Variants in EBF3 observed in about 807,000 individuals in gnomAD.
EBF3 encodes EBF transcription factor 3, also known as transcription factor COE3.
In EBF3, 18 loss-of-function variants were observed where a neutral mutation model predicts 77.1. That is an observed-to-expected ratio of 0.23 (90% CI 0.16 to 0.35). EBF3 has a LOEUF of 0.35. Among genes scored for constraint, EBF3 ranks in the 10% least tolerant of loss-of-function variants. The pLI is 1.00. For missense variants in EBF3, 558 were observed against 860.0 expected, an observed-to-expected ratio of 0.65 and a Z score of 4.39; for synonymous variants, 350 against 343.5, an observed-to-expected ratio of 1.02 and a Z score of -0.21.
At chr10:129,924,493 G>A (rs1413937771) in intron 6 of EBF3, among the ~76,000 whole-genome samples, 1 of 151,702 alleles carries the variant, frequency 6.6e-6, no homozygotes, top group Non-Finnish European at 1.5e-5. Context: ...TGGAGAAACT[G>A]GAACCCTTGA....
At chr10:129,926,725 AG>A (rs1856701326) in intron 6 of EBF3, among the ~76,000 whole-genome samples, 1 of 152,136 alleles carries the variant, frequency 6.6e-6, no homozygotes, top group Non-Finnish European at 1.5e-5. Flanking sequence ...GAATGGAAAG[AG>A]GGTGCTCCAG....
At chr10:129,869,870 A>G (rs1852291944) in intron 8 of EBF3, among the ~76,000 whole-genome samples, 2 of 152,224 alleles carry the variant, frequency 1.3e-5, no homozygotes, top group South Asian at 2.1e-4. Flanking sequence ...AGGCTTCCGA[A>G]TGACATTTGC....
In EBF3 at chr10:129,841,042, T is replaced by TCCA. The variant is rs71481016; in HGVS notation, c.1373-11_1373-10insTGG. The TCCA allele has an allele frequency of 1.5e-5, 23 of 1,510,112 alleles. No individual in the cohort carries two copies. The highest frequency in any genetic ancestry group is 4.8e-5 in the East Asian group (2 of 41,880). The allele number at this position is 1,510,112 out of a possible 1,614,324, so 93.5% of individuals were successfully genotyped here. ...TTGCGACTGTAGCCGACTGTTGAAA[T>TCCA]CCCCCCCCCGGCCAAAAATAACATT... is the stretch of plus-strand genomic sequence containing the variant. On this transcript the variant is annotated splice_polypyrimidine_tract_variant and intron_variant, in intron 13 of 16. Transcript: ENST00000440978. The surrounding 1 kb of genome is among the most constrained non-coding windows in gnomAD (Gnocchi z 4.6).
chr10:129,851,040 T>G (rs1850843705), intron 10 of EBF3, among the ~76,000 whole-genome samples: 1 of 152,226 alleles, frequency 6.6e-6, no homozygotes, highest in African/African-American at 2.4e-5. Flanking sequence ...TCAATACCAC[T>G]TTCCTGTTTT....
chr10:129,871,367 G>A (rs1198316434), intron 8 of EBF3, among the ~76,000 whole-genome samples: 2 of 152,188 alleles, frequency 1.3e-5, no homozygotes, highest in African/African-American at 2.4e-5. Context: ...CTCAAAGGAC[G>A]CCGTGGCAGA....
At chr10:129,925,677 T>C (rs1484487462) in intron 6 of EBF3, among the ~76,000 whole-genome samples, 2 of 151,716 alleles carry the variant, frequency 1.3e-5, no homozygotes, top group Non-Finnish European at 2.9e-5. Context: ...CACTGAACTA[T>C]ATACTTGAAA....
At chr10:129,942,640 A>G (rs1857852270) in intron 6 of EBF3, among the ~76,000 whole-genome samples, 1 of 152,230 alleles carries the variant, frequency 6.6e-6, no homozygotes, top group African/African-American at 2.4e-5. Context: ...GGTGCATTCC[A>G]GAGATGGCCT....
intron 10 of EBF3, among the ~76,000 whole-genome samples, chr10:129,856,392 C>G (rs1851254519): frequency 6.6e-6 from 1 of 152,094 alleles, no homozygotes; most frequent in Admixed American, 6.6e-5. Context: ...GAATAATACT[C>G]AGCCATGTAC....
At chr10:129,914,884 A>T (rs549147260) in intron 6 of EBF3, among the ~76,000 whole-genome samples, 1 of 152,330 alleles carries the variant, frequency 6.6e-6, no homozygotes, top group African/African-American at 2.4e-5. Context: ...CCCCTAGGGC[A>T]TCACATCAAG....
At chr10:129,855,207 C>G (rs1479369415) in intron 10 of EBF3, among the ~76,000 whole-genome samples, 5 of 152,106 alleles carry the variant, frequency 3.3e-5, no homozygotes, top group African/African-American at 7.2e-5. Flanking sequence ...TCCTTCGTAT[C>G]GGGAATATTG....
At position 129,920,750 on chromosome 10, in the gene EBF3, C is replaced by T. The variant is rs79215449; in HGVS notation, c.554+36508G>A. ...CGCACTCTGTGTGTGGCAGCAGGTG[C>T]GCTGCCAGATGAGAAGGGCCCAGTA... On this transcript the variant is annotated intron_variant, in intron 6 of 16. Coordinates refer to ENST00000440978, the MANE Select transcript of EBF3 (RefSeq NM_001375380.1). Among the ~76,000 whole-genome samples the T allele has an allele frequency of 0.011, 1,715 of 152,326 alleles. 98 individuals carry two copies. In the East Asian group the frequency reaches 0.18, roughly 16 times the overall value.
rs72837144 is a variant in EBF3, at chr10:129,840,099, C to T, written c.1759+146G>A. 4 of 1,038,856 alleles carry T rather than the reference C, an allele frequency of 3.9e-6. No homozygotes were observed. In the Admixed American group the frequency reaches 8.3e-5, roughly 21 times the overall value. The allele number at this position is 1,038,856 out of a possible 1,614,324, so 64.4% of individuals were successfully genotyped here. On this transcript the variant is annotated intron_variant, in intron 15 of 16. Coordinates refer to ENST00000440978, the MANE Select transcript of EBF3 (RefSeq NM_001375380.1). The stretch of plus-strand genomic sequence containing the variant: ...AGGGGTCCTCGCTGTGAACACCAGG[C>T]AGAGGTGGCACGCATCAAGGTGGGC...
In EBF3 at chr10:129,866,385, G is replaced by A. The variant is rs1852014807; in HGVS notation, c.1039+756C>T. On this transcript the variant is annotated intron_variant, in intron 10 of 16. Transcript: ENST00000440978. ...ATTCTCCTGCCTTTCAAAGTGTTGG[G>A]ATCACAGGTGTGAGCCAACATGCCC... 4.6e-5 allele frequency among the ~76,000 whole-genome samples: 7 copies of A among 152,294 alleles called. No homozygotes were observed. The South Asian group carries it at 1.5e-3, about 32-fold the overall frequency.
intron 10 of EBF3, among the ~76,000 whole-genome samples, chr10:129,859,067 T>C (rs1414383728): frequency 6.6e-6 from 1 of 152,238 alleles, no homozygotes; most frequent in East Asian, 1.9e-4. Context: ...TGAAGTCAAG[T>C]TGCTCCATGT....
rs1323238210 is a variant in EBF3 at position 129,923,536 on chromosome 10, G to A, written c.554+33722C>T. The stretch of plus-strand genomic sequence containing the variant: ...CAAAGGTGCTAAGGCCACTGAACAG[G>A]GAGTGGGTGGTCTTTTCAATAAATG... On this transcript the variant is annotated intron_variant, in intron 6 of 16. Coordinates refer to ENST00000440978, the MANE Select transcript of EBF3 (RefSeq NM_001375380.1). 1.3e-5 allele frequency among the ~76,000 whole-genome samples: 2 copies of A among 152,270 alleles called. 1 individual carries two copies. Among genetic ancestry groups the A allele is most frequent in the South Asian group, 4.2e-4 (2 of 4,812 alleles).
intron 10 of EBF3, among the ~76,000 whole-genome samples, chr10:129,854,398 G>A (rs1019278314): frequency 1.3e-5 from 2 of 152,126 alleles, no homozygotes; most frequent in South Asian, 2.1e-4. Flanking sequence ...GATGAAAAGC[G>A]GCCAGGGCAG....
At chr10:129,878,661 C>CCAAAAA (rs1482298311) in intron 6 of EBF3, among the ~76,000 whole-genome samples, 2 of 34,850 alleles carry the variant, frequency 5.7e-5, no homozygotes, top group African/African-American at 2.6e-4. Flanking sequence ...GGCTCTGTCT[C>CCAAAAA]AAAAAAAAAA....
intron 6 of EBF3, among the ~76,000 whole-genome samples, chr10:129,918,835 C>G (rs1322358924): frequency 6.6e-6 from 1 of 152,262 alleles, no homozygotes; most frequent in African/African-American, 2.4e-5. Flanking sequence ...GAGATCTGCT[C>G]ATCTGCTTAG....
intron 6 of EBF3, among the ~76,000 whole-genome samples, chr10:129,950,838 G>A (rs1456937527): frequency 6.6e-6 from 1 of 152,176 alleles, no homozygotes; most frequent in African/African-American, 2.4e-5. Context: ...CGGAGGGAAT[G>A]GTTTTCATTT....
Sources: gnomAD v4.1 joint callset for allele counts (sites outside exome capture counted in the v4.1 genomes callset) on GRCh38, gnomAD v4.1.1 for gene constraint, Gnocchi (gnomAD v3.1) non-coding constraint, MANE v1.5 for transcripts, NCBI Gene and HGNC (gene_info 2026-07-23, HGNC 2026-07-21) for gene names.